Variants in SGCZ observed in about 807,000 individuals in gnomAD.
SGCZ encodes the protein zeta-sarcoglycan.
Under a neutral mutation model 41.3 loss-of-function variants are expected in SGCZ, and 40 were observed. That is an observed-to-expected ratio of 0.97 (90% CI 0.75 to 1.26). The LOEUF (loss-of-function observed/expected upper bound fraction) is 1.26. SGCZ is among the 50% of genes most tolerant of loss of function. The pLI, the probability that SGCZ is intolerant of heterozygous loss-of-function variation, is 0.00. For missense variants in SGCZ, 552 were observed against 369.8 expected, an observed-to-expected ratio of 1.49 and a Z score of -4.04; for synonymous variants, 206 against 137.5, an observed-to-expected ratio of 1.50 and a Z score of -3.49.
At chr8:14,734,034 T>C (rs1294258193) in intron 1 of SGCZ, among the ~76,000 whole-genome samples, 2 of 152,238 alleles carry the variant, frequency 1.3e-5, no homozygotes, top group African/African-American at 2.4e-5. Context: ...TAAACCATTG[T>C]GTTTAGCACT....
chr8:14,880,280 G>A (rs964699085), intron 1 of SGCZ, among the ~76,000 whole-genome samples: 1 of 152,146 alleles, frequency 6.6e-6, no homozygotes, highest in Non-Finnish European at 1.5e-5. Context: ...TTAGAATGGT[G>A]ATCATTAAAA....
At chr8:14,786,402 T>C (rs1800768853) in intron 1 of SGCZ, among the ~76,000 whole-genome samples, 1 of 152,142 alleles carries the variant, frequency 6.6e-6, no homozygotes, top group Non-Finnish European at 1.5e-5. Flanking sequence ...AAGATTTATT[T>C]ATGAAATGAA....
At chr8:14,526,524 C>T (rs1256514552) in intron 2 of SGCZ, among the ~76,000 whole-genome samples, 1 of 152,098 alleles carries the variant, frequency 6.6e-6, no homozygotes, top group Non-Finnish European at 1.5e-5. Flanking sequence ...AGTTAAAGCA[C>T]ACATTGTATA....
intron 2 of SGCZ, among the ~76,000 whole-genome samples, chr8:14,441,450 G>A (rs10099267): frequency 5.3e-5 from 8 of 151,998 alleles, no homozygotes; most frequent in South Asian, 4.1e-4. Context: ...TGGCACGCAC[G>A]GGTAATCCCA....
intron 1 of SGCZ, among the ~76,000 whole-genome samples, chr8:15,061,380 T>C (rs1027660643): frequency 6.6e-6 from 1 of 151,564 alleles, no homozygotes; most frequent in Non-Finnish European, 1.5e-5. Context: ...CCGGGGCCTG[T>C]TGGGGGTGCG....
intron 1 of SGCZ, among the ~76,000 whole-genome samples, chr8:15,048,658 T>C (rs985604019): frequency 2.6e-5 from 4 of 152,110 alleles, no homozygotes; most frequent in Admixed American, 6.6e-5. Flanking sequence ...TATTCTCCAA[T>C]TGGGATCAAA....
chr8:14,186,707 C>T (rs1336417660), intron 4 of SGCZ, among the ~76,000 whole-genome samples: 1 of 152,134 alleles, frequency 6.6e-6, no homozygotes, highest in Non-Finnish European at 1.5e-5. Flanking sequence ...GAAGCCTATT[C>T]AAATGAAAGC....
intron 1 of SGCZ, among the ~76,000 whole-genome samples, chr8:14,630,453 A>T (rs554080706): frequency 1.3e-5 from 2 of 152,212 alleles, no homozygotes; most frequent in East Asian, 3.9e-4. Context: ...CCACTGTGGA[A>T]GACAGTGTGG....
At chr8:14,215,417 G>A (rs536316117) in intron 4 of SGCZ, among the ~76,000 whole-genome samples, 90 of 152,140 alleles carry the variant, frequency 5.9e-4, no homozygotes, top group African/African-American at 2.0e-3. Context: ...TAGCAAAGAG[G>A]AGAGTAGTCA....
At chr8:14,639,270 A>C (rs538486640) in intron 1 of SGCZ, among the ~76,000 whole-genome samples, 25 of 151,548 alleles carry the variant, frequency 1.6e-4, no homozygotes, top group Non-Finnish European at 2.4e-4. Flanking sequence ...CTTACCACTA[A>C]TATATTATTA....
At chr8:15,115,851 G>A (rs57971485) in intron 1 of SGCZ, among the ~76,000 whole-genome samples, 2,268 of 152,186 alleles carry the variant, frequency 0.015, 47 homozygotes, top group African/African-American at 0.052. Context: ...TCCCAAAGGG[G>A]AAAAATATTG....
At chr8:14,256,312 T>C (rs191860933) in intron 3 of SGCZ, among the ~76,000 whole-genome samples, 1 of 152,112 alleles carries the variant, frequency 6.6e-6, no homozygotes, top group African/African-American at 2.4e-5. Flanking sequence ...ATATAGTCAT[T>C]GGCTCTATAT....
chr8:14,349,763 T>C (rs1803019798), intron 2 of SGCZ, among the ~76,000 whole-genome samples: 3 of 152,246 alleles, frequency 2.0e-5, no homozygotes, highest in East Asian at 1.9e-4. Flanking sequence ...GAGTAGCTTA[T>C]AGTACCTTAA....
At chr8:14,652,354 G>GGA (rs1563180488) in intron 1 of SGCZ, among the ~76,000 whole-genome samples, 1 of 68,454 alleles carries the variant, frequency 1.5e-5, no homozygotes. Flanking sequence ...AAAGGGGGGG[G>GGA]TGTGGGGGGG....
chr8:14,456,119 C>A (rs1192952880), intron 2 of SGCZ, among the ~76,000 whole-genome samples: 1 of 152,108 alleles, frequency 6.6e-6, no homozygotes, highest in Non-Finnish European at 1.5e-5. Flanking sequence ...ATAGAATTTG[C>A]AGAGGTAGGA....
chr8:14,480,581 T>A (rs1187866975), intron 2 of SGCZ, among the ~76,000 whole-genome samples: 1 of 122,316 alleles, frequency 8.2e-6, no homozygotes, highest in Non-Finnish European at 1.8e-5. Context: ...AATGTTCGTG[T>A]TTAATCATTC....
intron 7 of SGCZ, among the ~76,000 whole-genome samples, chr8:14,101,909 T>G (rs1382255953): frequency 2.0e-5 from 3 of 151,760 alleles, no homozygotes; most frequent in African/African-American, 4.8e-5. Context: ...TTTGTTTGTT[T>G]TGAGACGGAG....
chr8:14,526,192 A>G (rs554955804), intron 2 of SGCZ, among the ~76,000 whole-genome samples: 1 of 152,260 alleles, frequency 6.6e-6, no homozygotes, highest in Admixed American at 6.5e-5. Flanking sequence ...TCATGCCTGA[A>G]GCCAATATTA....
chr8:15,144,362 T>C (rs531744521), intron 1 of SGCZ, among the ~76,000 whole-genome samples: 3 of 152,356 alleles, frequency 2.0e-5, no homozygotes, highest in South Asian at 4.1e-4. Flanking sequence ...TGACCTATTA[T>C]TGTTGCATAT....
Sources: gnomAD v4.1 joint callset for allele counts (sites outside exome capture counted in the v4.1 genomes callset) on GRCh38, gnomAD v4.1.1 for gene constraint, MANE v1.5 for transcripts, NCBI Gene and HGNC (gene_info 2026-07-23, HGNC 2026-07-21) for gene names.